Variants in SGCZ observed in about 807,000 individuals in gnomAD.
SGCZ encodes sarcoglycan zeta.
In SGCZ, 40 loss-of-function variants were observed where a neutral mutation model predicts 41.3. The ratio of observed to expected loss-of-function variants is 0.97; its 90% CI spans 0.75 to 1.26. The LOEUF (loss-of-function observed/expected upper bound fraction) is 1.26, where lower values mean the gene tolerates loss of function less well. Ranked by LOEUF, SGCZ falls within the 50% of genes most tolerant of loss-of-function variation. The pLI is 0.00. For missense variants in SGCZ, 552 were observed against 369.8 expected (o/e 1.49, Z -4.04); for synonymous variants, 206 against 137.5 (o/e 1.50, Z -3.49).
intron 2 of SGCZ, among the ~76,000 whole-genome samples, chr8:14,341,660 G>A (rs530744802): frequency 6.6e-6 from 1 of 152,236 alleles, no homozygotes; most frequent in African/African-American, 2.4e-5. Flanking sequence ...ATTCCCATGT[G>A]TTATAGGAGG....
intron 1 of SGCZ, among the ~76,000 whole-genome samples, chr8:14,663,250 GTT>G (rs1807812342): frequency 1.3e-5 from 2 of 152,184 alleles, no homozygotes; most frequent in South Asian, 4.1e-4. Context: ...TAATTTATTA[GTT>G]TCACAAAAAA....
chr8:15,116,475 A>G (rs1244959449), intron 1 of SGCZ, among the ~76,000 whole-genome samples: 2 of 152,190 alleles, frequency 1.3e-5, no homozygotes, highest in African/African-American at 4.8e-5. Context: ...ATATGGGATA[A>G]AAATGCCTTA....
At chr8:15,025,725 T>C (rs1803430676) in intron 1 of SGCZ, among the ~76,000 whole-genome samples, 1 of 152,174 alleles carries the variant, frequency 6.6e-6, no homozygotes, top group Admixed American at 6.6e-5. Context: ...AAATTAGTCT[T>C]AGAGCAATTT....
chr8:14,350,839 C>A (rs1402882220), intron 2 of SGCZ, among the ~76,000 whole-genome samples: 2 of 152,104 alleles, frequency 1.3e-5, no homozygotes, highest in Admixed American at 6.6e-5. Flanking sequence ...CATGAACTTG[C>A]ATTATTATTG....
At chr8:14,407,555 A>G (rs1391141225) in intron 2 of SGCZ, among the ~76,000 whole-genome samples, 1 of 152,268 alleles carries the variant, frequency 6.6e-6, no homozygotes, top group Non-Finnish European at 1.5e-5. Flanking sequence ...TAGATGATAA[A>G]TATAAATCAA....
intron 2 of SGCZ, among the ~76,000 whole-genome samples, chr8:14,364,535 T>C (rs1803631987): frequency 6.6e-6 from 1 of 152,162 alleles, no homozygotes; most frequent in South Asian, 2.1e-4. Context: ...ATTTTTTTTC[T>C]TTCTAATCCA....
intron 1 of SGCZ, among the ~76,000 whole-genome samples, chr8:14,836,206 TC>T (rs11347184): frequency 0.35 from 53,188 of 151,756 alleles, 9,467 homozygotes; most frequent in East Asian, 0.53. Flanking sequence ...AAACAAAAAA[TC>T]AATTTGTAAC....
intron 2 of SGCZ, among the ~76,000 whole-genome samples, chr8:14,436,609 G>T (rs1428959766): frequency 6.6e-6 from 1 of 152,172 alleles, no homozygotes; most frequent in African/African-American, 2.4e-5. Context: ...AGCACTAACC[G>T]TCCTAGTAGC....
intron 2 of SGCZ, among the ~76,000 whole-genome samples, chr8:14,380,650 G>A (rs897373676): frequency 2.6e-5 from 4 of 152,046 alleles, no homozygotes; most frequent in Non-Finnish European, 5.9e-5. Flanking sequence ...TCAACAGGTC[G>A]AGACCACCCT....
At position 15,192,523 on chromosome 8, in the gene SGCZ, T is replaced by C. The variant is rs558298988; in HGVS notation, c.39+45062A>G. ...GCATCAGTTGAAAATACTCATTCTT[T>C]ATGCTCTTCTACAACTTTGAAATTT... On this transcript the variant is annotated intron_variant, in intron 1 of 7. Coordinates refer to ENST00000382080, the MANE Select transcript of SGCZ (RefSeq NM_139167.4). 4.6e-5 allele frequency among the ~76,000 whole-genome samples: 7 copies of C among 152,266 alleles called. No homozygotes were observed. The East Asian group carries it at 7.7e-4, about 17-fold the overall frequency.
chr8:14,835,984 G>C (rs1195962743), intron 1 of SGCZ, among the ~76,000 whole-genome samples: 5 of 152,140 alleles, frequency 3.3e-5, no homozygotes, highest in Non-Finnish European at 5.9e-5. Flanking sequence ...AAGATGCCCA[G>C]CACGTGAGAC....
chr8:14,611,809 T>A (rs1309301986), intron 1 of SGCZ, among the ~76,000 whole-genome samples: 2 of 152,118 alleles, frequency 1.3e-5, no homozygotes, highest in Non-Finnish European at 2.9e-5. Context: ...ATACAGTATG[T>A]AAACACAATA....
At chr8:14,887,027 G>C (rs1418921348) in intron 1 of SGCZ, among the ~76,000 whole-genome samples, 3 of 152,114 alleles carry the variant, frequency 2.0e-5, no homozygotes, top group Non-Finnish European at 4.4e-5. Context: ...CTGGAAGAAA[G>C]GTGATGCCAT....
intron 1 of SGCZ, among the ~76,000 whole-genome samples, chr8:14,938,906 A>T (rs982246856): frequency 6.6e-6 from 1 of 152,056 alleles, no homozygotes; most frequent in East Asian, 1.9e-4. Context: ...TGAATCCCCA[A>T]ATGCTGAACC....
At chr8:14,992,872 A>G (rs1802070466) in intron 1 of SGCZ, among the ~76,000 whole-genome samples, 1 of 134,288 alleles carries the variant, frequency 7.4e-6, no homozygotes, top group African/African-American at 2.9e-5. Flanking sequence ...TCCCCTCAAT[A>G]TTTACCTCTC....
At chr8:14,176,671 G>T (rs1804551968) in intron 4 of SGCZ, among the ~76,000 whole-genome samples, 1 of 152,186 alleles carries the variant, frequency 6.6e-6, no homozygotes, top group Non-Finnish European at 1.5e-5. Flanking sequence ...AAGGGCATAT[G>T]TCCATTGCTT....
At chr8:15,205,625 G>C (rs965588146) in intron 1 of SGCZ, among the ~76,000 whole-genome samples, 1 of 152,124 alleles carries the variant, frequency 6.6e-6, no homozygotes, top group Non-Finnish European at 1.5e-5. Context: ...TGAGGCTGTG[G>C]AGAAAAGGGA....
At chr8:15,166,880 G>A (rs1405568369) in intron 1 of SGCZ, among the ~76,000 whole-genome samples, 1 of 152,136 alleles carries the variant, frequency 6.6e-6, no homozygotes, top group Non-Finnish European at 1.5e-5. Context: ...TGGAATAAAG[G>A]AAAATGTACA....
rs577153317 is a variant in SGCZ at position 14,913,931 on chromosome 8, T to G, written c.39+323654A>C. Among the ~76,000 whole-genome samples, 174 of 152,116 alleles carry G rather than the reference T, an allele frequency of 1.1e-3. 3 individuals carry two copies. In the South Asian group the frequency reaches 0.036, roughly 31 times the overall value. On this transcript the variant is annotated intron_variant, in intron 1 of 7. Coordinates refer to ENST00000382080, the MANE Select transcript of SGCZ (RefSeq NM_139167.4). ...TTGTCAGAGAAATCCCTGAAAGATC[T>G]AATTTTCAAAAATGTTAGAAGAGAA...
Sources: gnomAD v4.1 joint callset for allele counts (sites outside exome capture counted in the v4.1 genomes callset) on GRCh38, gnomAD v4.1.1 for gene constraint, MANE v1.5 for transcripts, NCBI Gene and HGNC (gene_info 2026-07-23, HGNC 2026-07-21) for gene names.